CD34: variants seen among roughly 807,000 people sequenced by gnomAD.
CD34 encodes CD34 molecule, also known as hematopoietic progenitor cell antigen CD34.
A neutral mutation model predicts 40.1 loss-of-function variants in CD34; 34 were observed. The ratio of observed to expected loss-of-function variants is 0.85; its 90% CI spans 0.65 to 1.13. The LOEUF (loss-of-function observed/expected upper bound fraction) is 1.13, where lower values mean the gene tolerates loss of function less well. Among genes scored for constraint, CD34 ranks in the 50% most tolerant of loss-of-function variants. The pLI is 0.00. For synonymous variants in CD34, 209 were observed against 190.0 expected (o/e 1.10, Z -0.82); for missense variants, 426 against 466.9 (o/e 0.91, Z 0.81).
chr1:207,906,640 T>C (rs1341526551), intron 1 of CD34, among the ~76,000 whole-genome samples: 1 of 151,832 alleles, frequency 6.6e-6, no homozygotes, highest in Non-Finnish European at 1.5e-5. Flanking sequence ...AAGTCAGGAG[T>C]TCGAGACCAG....
At chr1:207,903,000 A>G (rs2102304507) in intron 1 of CD34, among the ~76,000 whole-genome samples, 1 of 152,234 alleles carries the variant, frequency 6.6e-6, no homozygotes, top group South Asian at 2.1e-4. Context: ...TGAGCAGAGC[A>G]CCCTCTGAGA....
chr1:207,898,370 G>C (rs1000899049), intron 3 of CD34, among the ~76,000 whole-genome samples: 1 of 152,126 alleles, frequency 6.6e-6, no homozygotes, highest in Non-Finnish European at 1.5e-5. Flanking sequence ...ACAGAAAGCA[G>C]AAAGATCCCT....
Position 207,881,747 on chromosome 1 carries a change from T to A in CD34, c.*5991A>T, listed in dbSNP as rs538615344. ...ACCAAAGTCTAAAACAATGACACTC[T>A]TTTTCCTAATTGTTTTTGTTTTGGA... On this transcript the variant is annotated 3_prime_UTR_variant, in exon 8 of 8. Transcript: ENST00000310833. The A allele has an allele frequency of 6.6e-6, 1 of 152,180 alleles. No homozygotes were observed. The highest frequency in any genetic ancestry group is 1.9e-4 in the East Asian group (1 of 5,188). The allele number at this position is 152,180 out of a possible 1,614,324, so 9.4% of individuals were successfully genotyped here.
At chr1:207,893,284 T>C (rs1206568615) in intron 4 of CD34, among the ~76,000 whole-genome samples, 1 of 152,160 alleles carries the variant, frequency 6.6e-6, no homozygotes. Flanking sequence ...GGGACGGAGA[T>C]GGGGGTGAGG....
intron 1 of CD34, among the ~76,000 whole-genome samples, chr1:207,909,247 AG>A (rs1662450933): frequency 1.3e-5 from 2 of 152,146 alleles, no homozygotes; most frequent in East Asian, 1.9e-4. Flanking sequence ...CGGCAGGCCA[AG>A]GCGAGACTGG....
intron 1 of CD34, among the ~76,000 whole-genome samples, chr1:207,907,970 T>C (rs1157208054): frequency 1.3e-5 from 2 of 152,220 alleles, no homozygotes; most frequent in South Asian, 4.2e-4. Flanking sequence ...CCAAAGTCAA[T>C]GAGAGAGGGA....
intron 1 of CD34, among the ~76,000 whole-genome samples, chr1:207,902,866 C>T (rs1232223238): frequency 1.3e-5 from 2 of 152,204 alleles, no homozygotes; most frequent in African/African-American, 4.8e-5. Context: ...CCACTGGGGC[C>T]AGGCTCGCAG....
chr1:207,904,375 T>C (rs1404339178), intron 1 of CD34, among the ~76,000 whole-genome samples: 2 of 152,156 alleles, frequency 1.3e-5, no homozygotes, highest in African/African-American at 2.4e-5. Flanking sequence ...TGCCAGGAAG[T>C]AGGCCGTTGG....
chr1:207,895,151 T>C (rs1662123604), intron 4 of CD34, among the ~76,000 whole-genome samples: 2 of 152,044 alleles, frequency 1.3e-5, no homozygotes, highest in South Asian at 2.1e-4. Flanking sequence ...TAAGGAAAAT[T>C]AGGAGGCTCT....
At chr1:207,905,296 C>T (rs1442194551) in intron 1 of CD34, among the ~76,000 whole-genome samples, 2 of 152,138 alleles carry the variant, frequency 1.3e-5, no homozygotes, top group African/African-American at 2.4e-5. Context: ...CCACCATGCC[C>T]GGCTAATTTT....
At chr1:207,908,271 A>G (rs1662426249) in intron 1 of CD34, among the ~76,000 whole-genome samples, 1 of 152,238 alleles carries the variant, frequency 6.6e-6, no homozygotes, top group Non-Finnish European at 1.5e-5. Context: ...AAGAGGCCCC[A>G]GGCCCCTGTG....
chr1:207,891,373 T>C (rs1197005049), intron 4 of CD34, among the ~76,000 whole-genome samples: 1 of 152,150 alleles, frequency 6.6e-6, no homozygotes, highest in African/African-American at 2.4e-5. Context: ...TCAGTTTGCA[T>C]GTACGGCAAT....
rs1310258059 is a variant in CD34, at chr1:207,882,942, C to A, written c.*4796G>T. 1 of 152,194 alleles carries A rather than the reference C, an allele frequency of 6.6e-6. No homozygotes were observed. The highest frequency in any genetic ancestry group is 1.5e-5 in the Non-Finnish European group (1 of 68,048). 9.4% of individuals were successfully genotyped at this position (152,194 alleles called of 1,614,324 possible). ...GTTCTGTCATCTGTCCCTCCCACAT[C>A]CACCCAATGTAAAGACTTGACAGAA... On this transcript the variant is annotated 3_prime_UTR_variant, in exon 8 of 8. Transcript: ENST00000310833.
intron 4 of CD34, 156 bp from the exon 5 acceptor site, chr1:207,889,777 G>C: frequency 6.3e-7 from 1 of 1,577,668 alleles, no homozygotes; most frequent in Non-Finnish European, 8.6e-7. Context: ...ACTGCTAACT[G>C]TATATGTGCA....
chr1:207,883,430 G>A lies in CD34; in HGVS notation c.*4308C>T, dbSNP rs772660157. 10 of 152,080 alleles carry A rather than the reference G, an allele frequency of 6.6e-5. No homozygotes were observed. The highest frequency in any genetic ancestry group is 8.8e-5 in the Non-Finnish European group (6 of 68,032). 9.4% of individuals were successfully genotyped at this position (152,080 alleles called of 1,614,324 possible). A position where few individuals can be genotyped will look rare whatever the true frequency, so the allele number is the denominator to read the frequency against. ...AAAGCACTTCATTTAGTCTTTCCTC[G>A]TGTTATTTCTCACTTTCTGTTGTGC... On this transcript the variant is annotated 3_prime_UTR_variant, in exon 8 of 8. Coordinates refer to ENST00000310833, the MANE Select transcript of CD34 (RefSeq NM_001025109.2).
chr1:207,888,232 G>A (rs1464602787), intron 7 of CD34: 2 of 1,099,854 alleles, frequency 1.8e-6, no homozygotes, highest in Non-Finnish European at 2.8e-6. Flanking sequence ...CCCCAGGGTA[G>A]GGGACAGGCC....
Position 207,881,252 on chromosome 1 carries a change from T to G in CD34, c.*6486A>C, listed in dbSNP as rs1661799114. The G allele has an allele frequency of 6.6e-6, 1 of 152,356 alleles. No homozygotes were observed. Among genetic ancestry groups the G allele is most frequent in the South Asian group, 2.1e-4 (1 of 4,834 alleles). The allele number at this position is 152,356 out of a possible 1,614,324, so 9.4% of individuals were successfully genotyped here. A position where few individuals can be genotyped will look rare whatever the true frequency, so the allele number is the denominator to read the frequency against. On this transcript the variant is annotated 3_prime_UTR_variant, in exon 8 of 8. Transcript: ENST00000310833. ...GAGGTCAAAACAATTTGAATAATAATACTACAAATCTATTTTCCTTTTTCA... is the reference window on the plus strand; with the variant it reads ...GAGGTCAAAACAATTTGAATAATAAGACTACAAATCTATTTTCCTTTTTCA...
chr1:207,897,006 A>T (rs1228179368), intron 4 of CD34, among the ~76,000 whole-genome samples: 1 of 152,192 alleles, frequency 6.6e-6, no homozygotes, highest in African/African-American at 2.4e-5. Flanking sequence ...AAAAACGGTT[A>T]CATGGAAAAT....
intron 2 of CD34, 31 bp downstream of exon 2, chr1:207,899,790 C>T (rs1294111843): frequency 6.3e-7 from 1 of 1,588,034 alleles, no homozygotes; most frequent in Non-Finnish European, 8.6e-7. Flanking sequence ...ACCAGCATCT[C>T]TCCGGGATCT....
Sources: allele counts gnomAD v4.1 joint callset (sites outside exome capture counted in the v4.1 genomes callset), GRCh38; gene constraint gnomAD v4.1.1; transcripts MANE v1.5; gene names NCBI Gene and HGNC (gene_info 2026-07-23, HGNC 2026-07-21).